The following DACH2 variants were observed in gnomAD, a reference collection of about 807,000 sequenced individuals.
DACH2 encodes dachshund homolog 2.
Under a neutral mutation model 35.8 loss-of-function variants are expected in DACH2, and 17 were observed. The ratio of observed to expected loss-of-function variants is 0.48; its 90% confidence interval spans 0.33 to 0.71. DACH2 has a LOEUF of 0.71. DACH2 is among the 30% of genes least tolerant of loss of function. DACH2 has a pLI of 0.02. For synonymous variants in DACH2, 195 were observed against 177.3 expected, an observed-to-expected ratio of 1.10 and a Z score of -0.79; for missense variants, 469 against 472.7, an observed-to-expected ratio of 0.99 and a Z score of 0.07.
chrX:86,581,841 A>G (rs926984860), intron 3 of DACH2, among the ~76,000 whole-genome samples: 1 of 111,398 alleles, frequency 9.0e-6, no homozygotes, highest in African/African-American at 3.3e-5. Context: ...TTGAGGCAGA[A>G]AACTAACAGA....
intron 1 of DACH2, among the ~76,000 whole-genome samples, chrX:86,210,324 A>C (rs891163093): frequency 1.8e-5 from 2 of 112,024 alleles, no homozygotes; most frequent in Non-Finnish European, 3.8e-5. Flanking sequence ...ATGATCACAA[A>C]AGCGATTTTG....
intron 4 of DACH2, among the ~76,000 whole-genome samples, chrX:86,688,868 G>A (rs2040978005): frequency 8.9e-6 from 1 of 111,931 alleles, no homozygotes; most frequent in Non-Finnish European, 1.9e-5. Flanking sequence ...GCTGCATGTG[G>A]ACTTTGAGCA....
At chrX:86,456,214 A>G (rs1439830038) in intron 2 of DACH2, among the ~76,000 whole-genome samples, 1 of 112,186 alleles carries the variant, frequency 8.9e-6, no homozygotes, top group African/African-American at 3.2e-5. Context: ...AAGATGCTGA[A>G]TTCACTTGCC....
Position 86,821,907 on chromosome X carries a change from G to T in DACH2, c.1750+5808G>T, listed in dbSNP as rs1001269867. 2.7e-5 allele frequency among the ~76,000 whole-genome samples: 3 copies of T among 111,831 alleles called. No homozygotes were observed. The South Asian group carries it at 1.1e-3, about 41-fold the overall frequency. ...CCAGCCATGATAAGTTGTTCTGCTAGTCAGCATGTTGAGTCTACAGGAGTA... is the reference window on the plus strand; with the variant it reads ...CCAGCCATGATAAGTTGTTCTGCTATTCAGCATGTTGAGTCTACAGGAGTA... On this transcript the variant is annotated intron_variant, in intron 11 of 11. Coordinates refer to ENST00000373125, the MANE Select transcript of DACH2 (RefSeq NM_053281.3).
At chrX:86,426,081 A>G (rs747480807) in intron 2 of DACH2, among the ~76,000 whole-genome samples, 1 of 111,796 alleles carries the variant, frequency 8.9e-6, no homozygotes, top group Admixed American at 9.5e-5. Flanking sequence ...TTTTTAAATG[A>G]TAAATATTGT....
At chrX:86,387,926 C>CA (rs764558783) in intron 2 of DACH2, among the ~76,000 whole-genome samples, 62 of 112,051 alleles carry the variant, frequency 5.5e-4, no homozygotes, top group African/African-American at 1.8e-3. Context: ...GCTATATATG[C>CA]AAAAAAAGCC....
intron 2 of DACH2, among the ~76,000 whole-genome samples, chrX:86,449,332 T>C (rs1453368267): frequency 2.0e-5 from 2 of 99,502 alleles, no homozygotes; most frequent in Admixed American, 2.3e-4. Flanking sequence ...TTTGTTGCCT[T>C]CTGCTAGCTT....
chrX:86,206,684 C>T (rs1252470198), intron 1 of DACH2, among the ~76,000 whole-genome samples: 1 of 111,883 alleles, frequency 8.9e-6, no homozygotes, highest in East Asian at 2.8e-4. Flanking sequence ...TCTCTTTCCT[C>T]ATCTGTAAAT....
At chrX:86,160,659 G>A (rs900446502) in intron 1 of DACH2, 1 of 498,337 alleles carries the variant, frequency 2.0e-6, no homozygotes, top group African/African-American at 2.3e-5. Context: ...TTGCCACAAC[G>A]AACATCCTTG....
chrX:86,254,186 T>C (rs1485241616), intron 1 of DACH2, among the ~76,000 whole-genome samples: 1 of 111,535 alleles, frequency 9.0e-6, no homozygotes, highest in Non-Finnish European at 1.9e-5. Flanking sequence ...GTTCTGACAA[T>C]TGGCTAACAA....
intron 3 of DACH2, among the ~76,000 whole-genome samples, chrX:86,636,453 T>G (rs2040266829): frequency 9.1e-6 from 1 of 110,365 alleles, no homozygotes; most frequent in Non-Finnish European, 1.9e-5. Context: ...CATCTCAAAA[T>G]AAACAAACTA....
At chrX:86,585,828 G>A (rs948276518) in intron 3 of DACH2, among the ~76,000 whole-genome samples, 4 of 111,395 alleles carry the variant, frequency 3.6e-5, no homozygotes, top group African/African-American at 3.3e-5. Flanking sequence ...GGGAATTTAG[G>A]TTGATTGCAT....
At chrX:86,824,469 C>A (rs1271508310) in intron 11 of DACH2, among the ~76,000 whole-genome samples, 1 of 111,723 alleles carries the variant, frequency 9.0e-6, no homozygotes, top group East Asian at 2.8e-4. Flanking sequence ...GTTTTACAAT[C>A]AATTTGTACA....
At chrX:86,585,330 T>C (rs1409190199) in intron 3 of DACH2, among the ~76,000 whole-genome samples, 1 of 111,172 alleles carries the variant, frequency 9.0e-6, no homozygotes, top group Non-Finnish European at 1.9e-5. Flanking sequence ...TTTGTGCTTT[T>C]AGTAATAGTT....
At chrX:86,297,498 C>A (rs1358381659) in intron 1 of DACH2, among the ~76,000 whole-genome samples, 1 of 111,700 alleles carries the variant, frequency 9.0e-6, no homozygotes, top group South Asian at 3.7e-4. Flanking sequence ...ATTTTAGAAG[C>A]CTTCCAAATG....
chrX:86,795,870 G>A (rs1006193062), intron 7 of DACH2, among the ~76,000 whole-genome samples: 4 of 88,914 alleles, frequency 4.5e-5, no homozygotes, highest in Non-Finnish European at 7.7e-5. Context: ...GTTCCTCCCG[G>A]TGGGTTCGTG....
rs532031569 is a variant in DACH2, at chrX:86,232,990, A to G, written c.488+83882A>G. 1.2e-4 allele frequency among the ~76,000 whole-genome samples: 14 copies of G among 112,268 alleles called. No individual in the cohort carries two copies. The South Asian group carries it at 5.2e-3, about 42-fold the overall frequency. On this transcript the variant is annotated intron_variant, in intron 1 of 11. Transcript: ENST00000373125. ...GATAAAGAAAATGTACATATACACC[A>G]TGGAATGCTATGCAGCCATAAAAAA...
intron 1 of DACH2, among the ~76,000 whole-genome samples, chrX:86,193,526 C>A (rs1397106845): frequency 1.8e-5 from 2 of 111,873 alleles, no homozygotes; most frequent in African/African-American, 6.5e-5. Context: ...TAACAACATG[C>A]TTACTTAATG....
At chrX:86,577,256 G>C (rs1341287862) in intron 3 of DACH2, among the ~76,000 whole-genome samples, 1 of 110,658 alleles carries the variant, frequency 9.0e-6, no homozygotes, top group Non-Finnish European at 1.9e-5. Flanking sequence ...AGCAAAACAG[G>C]AGCAGTTAGT....
Sources: gnomAD v4.1 joint callset for allele counts (sites outside exome capture counted in the v4.1 genomes callset) on GRCh38, gnomAD v4.1.1 for gene constraint, MANE v1.5 for transcripts, NCBI Gene and HGNC (gene_info 2026-07-23, HGNC 2026-07-21) for gene names.